Variants in ZNF710 observed in about 807,000 individuals in gnomAD.
ZNF710 encodes zinc finger protein 710.
In ZNF710, 13 loss-of-function variants were observed where a neutral mutation model predicts 50.6. The ratio of observed to expected loss-of-function variants is 0.26; its 90% confidence interval spans 0.17 to 0.41. The LOEUF (loss-of-function observed/expected upper bound fraction) is 0.41. Ranked by LOEUF, ZNF710 falls within the 10% of genes least tolerant of loss-of-function variation. ZNF710 has a pLI of 1.00. For missense variants in ZNF710, 721 were observed against 936.6 expected (o/e 0.77, Z 3.01); for synonymous variants, 383 against 397.0 (o/e 0.96, Z 0.42).
intron 1 of ZNF710, among the ~76,000 whole-genome samples, chr15:90,046,773 C>T (rs549184700): frequency 6.6e-6 from 1 of 152,298 alleles, no homozygotes; most frequent in Admixed American, 6.5e-5. Flanking sequence ...GCTGTCCTCC[C>T]TCTGAGTCTG....
chr15:90,069,506 GGACAGAGGCCA>G (rs1244165285), intron 2 of ZNF710, among the ~76,000 whole-genome samples: 4 of 152,256 alleles, frequency 2.6e-5, no homozygotes, highest in Non-Finnish European at 5.9e-5. Flanking sequence ...CTAGATGGGA[GGACAGAGGCCA>G]GAGAGAGGCC....
At chr15:90,061,447 C>G (rs11858168) in intron 1 of ZNF710, among the ~76,000 whole-genome samples, 3 of 152,216 alleles carry the variant, frequency 2.0e-5, no homozygotes, top group Non-Finnish European at 4.4e-5. Context: ...GCTGAGATTA[C>G]TGGTGTGAGC....
chr15:90,045,632 C>T (rs1366558891), intron 1 of ZNF710, among the ~76,000 whole-genome samples: 1 of 152,128 alleles, frequency 6.6e-6, no homozygotes, highest in Admixed American at 6.5e-5. Flanking sequence ...CAGCTCAAAG[C>T]TCCTGTGTTT....
chr15:90,057,474 T>C (rs997981705), intron 1 of ZNF710, among the ~76,000 whole-genome samples: 1 of 151,922 alleles, frequency 6.6e-6, no homozygotes, highest in African/African-American at 2.4e-5. Flanking sequence ...GCTGGGTGGA[T>C]CACTTGAGCC....
At chr15:90,032,074 G>A (rs934861511) in intron 1 of ZNF710, among the ~76,000 whole-genome samples, 2 of 152,202 alleles carry the variant, frequency 1.3e-5, no homozygotes, top group Non-Finnish European at 2.9e-5. Context: ...TCAGCTCACT[G>A]CAACCTCTGG....
chr15:90,022,610 A>C (rs1433895215), intron 1 of ZNF710, among the ~76,000 whole-genome samples: 1 of 152,216 alleles, frequency 6.6e-6, no homozygotes, highest in Non-Finnish European at 1.5e-5. Context: ...ACTCTGGCAT[A>C]AGCCGGGAGA....
At chr15:89,999,080 G>A (rs1403049207), upstream of ZNF710, among the ~76,000 whole-genome samples, 6 of 152,144 alleles carry the variant, frequency 3.9e-5, no homozygotes, top group Non-Finnish European at 8.8e-5. Context: ...CTGTAATAAT[G>A]TGCCGTCTTG....
intron 1 of ZNF710, among the ~76,000 whole-genome samples, chr15:90,005,877 A>G (rs1025239260): frequency 1.3e-5 from 2 of 152,214 alleles, no homozygotes; most frequent in African/African-American, 4.8e-5. Flanking sequence ...TGGCTCTTGC[A>G]TTCTTATCCT....
intron 1 of ZNF710, among the ~76,000 whole-genome samples, chr15:90,047,108 T>C (rs779250748): frequency 6.6e-6 from 1 of 152,050 alleles, no homozygotes; most frequent in Non-Finnish European, 1.5e-5. Context: ...AAAGAGGTTC[T>C]GGGGGTGGGT....
intron 1 of ZNF710, among the ~76,000 whole-genome samples, chr15:90,053,883 G>T (rs935856308): frequency 6.6e-6 from 1 of 152,030 alleles, no homozygotes; most frequent in Non-Finnish European, 1.5e-5. Flanking sequence ...CTTCCCTGTG[G>T]CAGGCAGGGG....
intron 1 of ZNF710, among the ~76,000 whole-genome samples, chr15:90,041,644 G>A (rs1023897320): frequency 1.3e-5 from 2 of 152,116 alleles, no homozygotes; most frequent in African/African-American, 4.8e-5. Context: ...TTCTAACGCA[G>A]CCTTTACACA....
At chr15:90,012,542 T>C (rs1898342282) in intron 1 of ZNF710, among the ~76,000 whole-genome samples, 1 of 152,080 alleles carries the variant, frequency 6.6e-6, no homozygotes, top group African/African-American at 2.4e-5. Flanking sequence ...AGTGCTGGGA[T>C]TACAGGCGTG....
At chr15:90,008,454 G>GCACA (rs1898209282) in intron 1 of ZNF710, among the ~76,000 whole-genome samples, 2 of 124,970 alleles carry the variant, frequency 1.6e-5, no homozygotes, top group African/African-American at 7.4e-5. Context: ...ATATATATAT[G>GCACA]TATATATATA....
rs1359852858 is a variant in ZNF710, at chr15:90,068,754, C to G, written c.1458+159C>G. ...ATTAGAAATCAATTAGTATTAGAAA[C>G]TAATTGAAATTAGTTTTTTAAGTAG... is the stretch of plus-strand genomic sequence containing the variant. On this transcript the variant is annotated intron_variant, in intron 2 of 4. Transcript: ENST00000268154. The surrounding 1 kb of genome is among the most constrained non-coding windows in gnomAD (Gnocchi z 5.0). 2.0e-5 allele frequency among the ~76,000 whole-genome samples: 3 copies of G among 152,176 alleles called. No homozygotes were observed. In the East Asian group the frequency reaches 5.8e-4, roughly 29 times the overall value.
rs540824234 is a variant in ZNF710 at position 90,061,220 on chromosome 15, G to C, written c.-28-5890G>C. The stretch of plus-strand genomic sequence containing the variant: ...GGTTTCACGCCTGTCACCCAGGCTA[G>C]AGTGCAGTGGCGTGATCTCAGCTCA... On this transcript the variant is annotated intron_variant, in intron 1 of 4. Coordinates refer to ENST00000268154, the MANE Select transcript of ZNF710 (RefSeq NM_198526.4). Among the ~76,000 whole-genome samples the C allele has an allele frequency of 3.9e-5, 6 of 152,218 alleles. No individual in the cohort carries two copies. The South Asian group carries it at 1.2e-3, about 32-fold the overall frequency.
intron 1 of ZNF710, among the ~76,000 whole-genome samples, chr15:90,007,261 A>C (rs1898163310): frequency 6.6e-6 from 1 of 152,180 alleles, no homozygotes. Context: ...AGCGGAACCT[A>C]AAACGGGGAG....
chr15:90,015,842 C>T (rs1171249199), intron 1 of ZNF710, among the ~76,000 whole-genome samples: 2 of 152,170 alleles, frequency 1.3e-5, no homozygotes, highest in African/African-American at 4.8e-5. Context: ...AACTCCTGGA[C>T]TCAAGCAATC....
At chr15:90,009,151 C>T (rs765061508) in intron 1 of ZNF710, among the ~76,000 whole-genome samples, 8 of 151,776 alleles carry the variant, frequency 5.3e-5, no homozygotes, top group African/African-American at 1.9e-4. Context: ...GACCCCATCC[C>T]GTTCTCGGTG....
Position 90,014,953 on chromosome 15 carries a change from C to T in ZNF710, c.-29+13339C>T, listed in dbSNP as rs185506097. 5.0e-3 allele frequency among the ~76,000 whole-genome samples: 731 copies of T among 147,540 alleles called. 9 individuals carry two copies. Among genetic ancestry groups the T allele is most frequent in the African/African-American group, 0.018 (697 of 39,814 alleles). On this transcript the variant is annotated intron_variant, in intron 1 of 4. Transcript: ENST00000268154. ...TGTTGCCCAGGCTGAAGTACAATGG[C>T]GCGATCTTGCCTCACCGCAGCCTCT...
Sources: allele counts gnomAD v4.1 joint callset (sites outside exome capture counted in the v4.1 genomes callset), GRCh38; gene constraint gnomAD v4.1.1; non-coding constraint Gnocchi (gnomAD v3.1); transcripts MANE v1.5; gene names NCBI Gene and HGNC (gene_info 2026-07-23, HGNC 2026-07-21).